The following STXBP6 variants were observed in gnomAD, a reference collection of about 807,000 sequenced individuals.
STXBP6 encodes the protein syntaxin-binding protein 6.
STXBP6 carries 21 observed loss-of-function variants against 26.9 expected under a neutral mutation model. The ratio of observed to expected loss-of-function variants is 0.78; its 90% confidence interval spans 0.55 to 1.12. The LOEUF is 1.12. Ranked by LOEUF, STXBP6 falls within the 50% of genes most tolerant of loss-of-function variation. The pLI, the probability that STXBP6 is intolerant of heterozygous loss-of-function variation, is 0.00. For missense variants in STXBP6, 232 were observed against 257.9 expected (o/e 0.90, Z 0.69); for synonymous variants, 97 against 92.6 (o/e 1.05, Z -0.27).
chr14:24,897,050 T>C (rs781093659), intron 2 of STXBP6, among the ~76,000 whole-genome samples: 1 of 152,076 alleles, frequency 6.6e-6, no homozygotes, highest in African/African-American at 2.4e-5. Flanking sequence ...AGAAAAGTAA[T>C]ATCAGATCTT....
intron 2 of STXBP6, among the ~76,000 whole-genome samples, chr14:24,878,351 A>G (rs961570987): frequency 3.3e-5 from 5 of 152,142 alleles, no homozygotes; most frequent in African/African-American, 1.2e-4. Flanking sequence ...TTTAATATTT[A>G]AATATTTCAT....
At chr14:24,904,370 TG>T (rs1275140485) in intron 2 of STXBP6, among the ~76,000 whole-genome samples, 7 of 152,196 alleles carry the variant, frequency 4.6e-5, no homozygotes, top group Non-Finnish European at 8.8e-5. Context: ...AAAGTAACTC[TG>T]GGTTCTGCCA....
At chr14:24,915,449 G>A (rs1257612375) in intron 2 of STXBP6, among the ~76,000 whole-genome samples, 2 of 152,048 alleles carry the variant, frequency 1.3e-5, no homozygotes, top group Non-Finnish European at 2.9e-5. Flanking sequence ...CATTGTAGTT[G>A]TATTTCACCC....
chr14:24,939,397 G>T (rs2072720431), intron 2 of STXBP6, among the ~76,000 whole-genome samples: 1 of 151,928 alleles, frequency 6.6e-6, no homozygotes, highest in African/African-American at 2.4e-5. Context: ...GTAAATGAAA[G>T]ATTTTAGCAA....
intron 1 of STXBP6, among the ~76,000 whole-genome samples, chr14:25,012,456 T>C (rs1323079030): frequency 1.3e-5 from 2 of 152,054 alleles, no homozygotes; most frequent in Non-Finnish European, 2.9e-5. Flanking sequence ...CAAAGCCCCA[T>C]CTCTACTAGT....
intron 4 of STXBP6, among the ~76,000 whole-genome samples, chr14:24,824,851 A>G (rs952470498): frequency 6.6e-6 from 1 of 152,214 alleles, no homozygotes; most frequent in Non-Finnish European, 1.5e-5. Context: ...CCTCAAAGGG[A>G]GATATTCTTA....
chr14:24,813,249 G>C (rs955715674), intron 5 of STXBP6, among the ~76,000 whole-genome samples: 1 of 152,080 alleles, frequency 6.6e-6, no homozygotes, highest in African/African-American at 2.4e-5. Flanking sequence ...TGTTACTGAC[G>C]AGGGCCAAAA....
intron 2 of STXBP6, among the ~76,000 whole-genome samples, chr14:24,906,302 T>C (rs939376921): frequency 2.0e-5 from 3 of 152,180 alleles, no homozygotes; most frequent in African/African-American, 7.2e-5. Context: ...AATGATATTC[T>C]ACAATGCAAA....
intron 1 of STXBP6, among the ~76,000 whole-genome samples, chr14:24,982,468 T>A (rs1009871046): frequency 6.6e-6 from 1 of 152,200 alleles, no homozygotes; most frequent in East Asian, 1.9e-4. Context: ...CTCTCTTAGA[T>A]GAATAACTCT....
chr14:24,977,968 C>T lies in STXBP6; in HGVS notation c.-32-3118G>A, dbSNP rs561840338. ...TCACTAGGAGATTATCAGATTCATT[C>T]TATGTGAAATTATCAAAAGTTTTTA... On this transcript the variant is annotated intron_variant, in intron 1 of 5. Transcript: ENST00000323944. Among the ~76,000 whole-genome samples, 8 of 152,266 alleles carry T rather than the reference C, an allele frequency of 5.3e-5. No homozygotes were observed. The East Asian group carries it at 1.4e-3, about 26-fold the overall frequency.
intron 2 of STXBP6, among the ~76,000 whole-genome samples, chr14:24,969,127 T>C (rs992212926): frequency 9.2e-5 from 14 of 152,208 alleles, no homozygotes; most frequent in Non-Finnish European, 1.8e-4. Flanking sequence ...AATTATTTCA[T>C]CAAAAAGCAT....
At chr14:24,878,620 ATTTAT>A (rs1260764494) in intron 2 of STXBP6, 1 of 181,114 alleles carries the variant, frequency 5.5e-6, no homozygotes. Context: ...TTTCTTATTT[ATTTAT>A]TTATTTTTAA....
intron 1 of STXBP6, among the ~76,000 whole-genome samples, chr14:25,004,129 C>A (rs939661853): frequency 1.2e-4 from 18 of 152,118 alleles, no homozygotes; most frequent in African/African-American, 4.3e-4. Flanking sequence ...AGGGAGATTG[C>A]CAAAAAAGAA....
intron 2 of STXBP6, among the ~76,000 whole-genome samples, chr14:24,932,670 C>A (rs756468688): frequency 4.6e-5 from 7 of 151,936 alleles, no homozygotes; most frequent in East Asian, 1.9e-4. Flanking sequence ...GGCTTGGAAT[C>A]GTGTAGTAGC....
chr14:24,952,545 A>G (rs1380547463), intron 2 of STXBP6, among the ~76,000 whole-genome samples: 3 of 152,210 alleles, frequency 2.0e-5, no homozygotes, highest in Non-Finnish European at 4.4e-5. Flanking sequence ...GGGCAGAATT[A>G]TAGCCATTCA....
rs1008792665 is a variant in STXBP6 at position 24,810,055 on chromosome 14, C to T, written c.*2654G>A. On this transcript the variant is annotated 3_prime_UTR_variant, in exon 6 of 6. Transcript: ENST00000323944. The stretch of plus-strand genomic sequence containing the variant: ...TATGAAACATTAACCTGAATAACTG[C>T]ATACTTTCTGTACACAGGTATCTAA... 2.0e-5 allele frequency: 3 copies of T among 152,188 alleles called. No homozygotes were observed. The highest frequency in any genetic ancestry group is 7.2e-5 in the African/African-American group (3 of 41,444). The allele number at this position is 152,188 out of a possible 1,614,324, so 9.4% of individuals were successfully genotyped here. A position where few individuals can be genotyped will look rare whatever the true frequency, so the allele number is the denominator to read the frequency against.
At chr14:24,939,475 T>C (rs61978776) in intron 2 of STXBP6, among the ~76,000 whole-genome samples, 1 of 149,990 alleles carries the variant, frequency 6.7e-6, no homozygotes, top group African/African-American at 2.5e-5. Context: ...TTTTTTTTTT[T>C]CCAGTTACAG....
chr14:24,978,866 C>T (rs1422025880), intron 1 of STXBP6, among the ~76,000 whole-genome samples: 1 of 152,126 alleles, frequency 6.6e-6, no homozygotes, highest in Non-Finnish European at 1.5e-5. Flanking sequence ...ACTCAAATGA[C>T]CTCAGAGAAC....
At chr14:24,962,732 C>T (rs1182572063) in intron 2 of STXBP6, among the ~76,000 whole-genome samples, 4 of 152,048 alleles carry the variant, frequency 2.6e-5, no homozygotes, top group Non-Finnish European at 4.4e-5. Flanking sequence ...CTAAGCAGGG[C>T]ACAGAGAAGA....
Sources: gnomAD v4.1 joint callset for allele counts (sites outside exome capture counted in the v4.1 genomes callset) on GRCh38, gnomAD v4.1.1 for gene constraint, MANE v1.5 for transcripts, NCBI Gene and HGNC (gene_info 2026-07-23, HGNC 2026-07-21) for gene names.